NALF1: variants seen among roughly 807,000 people sequenced by gnomAD.
The protein encoded by NALF1 is family with sequence similarity 155 member A.
A neutral mutation model predicts 48.4 loss-of-function variants in NALF1; 3 were observed. The observed-to-expected ratio is 0.06, with a 90% CI of 0.03 to 0.16. The LOEUF is 0.16. Among genes scored for constraint, NALF1 ranks in the 10% least tolerant of loss-of-function variants. The probability of loss-of-function intolerance (pLI) is 1.00; values close to 1 mark genes in which losing one functional copy is unlikely to be tolerated. For missense variants in NALF1, 526 were observed against 571.5 expected, an observed-to-expected ratio of 0.92 and a Z score of 0.81; for synonymous variants, 262 against 245.7, an observed-to-expected ratio of 1.07 and a Z score of -0.62.
intron 1 of NALF1, among the ~76,000 whole-genome samples, chr13:107,842,268 C>A (rs1486397087): frequency 6.6e-6 from 1 of 151,638 alleles, no homozygotes; most frequent in East Asian, 1.9e-4. Context: ...ATGAAGTATG[C>A]CTATTTTATA....
At chr13:107,201,920 G>T (rs559614121) in intron 2 of NALF1, among the ~76,000 whole-genome samples, 1 of 152,098 alleles carries the variant, frequency 6.6e-6, no homozygotes, top group Non-Finnish European at 1.5e-5. Context: ...CGGTGGCGAG[G>T]TCGGCATTTT....
At chr13:107,575,673 A>G (rs972675733) in intron 1 of NALF1, among the ~76,000 whole-genome samples, 1 of 151,792 alleles carries the variant, frequency 6.6e-6, no homozygotes, top group African/African-American at 2.4e-5. Context: ...CCATTTTTCC[A>G]TTTTGTTAAA....
chr13:107,806,173 C>T (rs2138601773), intron 1 of NALF1, among the ~76,000 whole-genome samples: 1 of 152,178 alleles, frequency 6.6e-6, no homozygotes, highest in South Asian at 2.1e-4. Context: ...ACCTAGATTC[C>T]AATACCAAAG....
intron 1 of NALF1, among the ~76,000 whole-genome samples, chr13:107,312,965 A>G (rs1882076324): frequency 6.6e-6 from 1 of 152,222 alleles, no homozygotes; most frequent in Non-Finnish European, 1.5e-5. Context: ...AAACAAACCA[A>G]CAAGGGAAAT....
rs896014712 is a variant in NALF1, at chr13:107,168,904, C to T, written c.*1593G>A. The T allele has an allele frequency of 1.3e-5, 2 of 152,542 alleles. No individual in the cohort carries two copies. Among genetic ancestry groups the T allele is most frequent in the Non-Finnish European group, 2.9e-5 (2 of 68,008 alleles). The allele number at this position is 152,542 out of a possible 1,614,324, so 9.4% of individuals were successfully genotyped here. On this transcript the variant is annotated 3_prime_UTR_variant, in exon 3 of 3. Transcript: ENST00000375915. ...TTTCCTTCATCTCTCAGTCACACTG[C>T]AAACTTATCTGAAGTGCACTTCCCA... is the stretch of plus-strand genomic sequence containing the variant.
At chr13:107,754,158 A>T (rs1016185130) in intron 1 of NALF1, among the ~76,000 whole-genome samples, 9 of 152,184 alleles carry the variant, frequency 5.9e-5, no homozygotes, top group African/African-American at 2.2e-4. Context: ...TTTCATTCTG[A>T]TATGACTTTC....
In NALF1 at chr13:107,760,610, A is replaced by G. The variant is rs117168741; in HGVS notation, c.915+105072T>C. 3.9e-4 allele frequency among the ~76,000 whole-genome samples: 60 copies of G among 152,354 alleles called. No homozygotes were observed. In the East Asian group the frequency reaches 0.011, roughly 28 times the overall value. ...AGGCTCTTTGTAAAATGGGAATTGTAATATCCTATGATTTCTCTCAAGATC... is the reference window on the plus strand; with the variant it reads ...AGGCTCTTTGTAAAATGGGAATTGTGATATCCTATGATTTCTCTCAAGATC... On this transcript the variant is annotated intron_variant, in intron 1 of 2. Transcript: ENST00000375915.
chr13:107,177,018 C>T (rs1392548996), intron 2 of NALF1, among the ~76,000 whole-genome samples: 1 of 151,904 alleles, frequency 6.6e-6, no homozygotes, highest in Non-Finnish European at 1.5e-5. Flanking sequence ...TAAACAAATT[C>T]AGTAAAGTTA....
At chr13:107,599,409 G>A (rs890089984) in intron 1 of NALF1, among the ~76,000 whole-genome samples, 30 of 139,862 alleles carry the variant, frequency 2.1e-4, no homozygotes, top group Non-Finnish European at 1.1e-4. Context: ...GCAACAGAGC[G>A]AGACTCCGTC....
intron 1 of NALF1, among the ~76,000 whole-genome samples, chr13:107,633,878 G>A (rs1273796327): frequency 1.4e-5 from 2 of 143,158 alleles, no homozygotes; most frequent in East Asian, 2.0e-4. Flanking sequence ...GTATGTGTGT[G>A]TGTATATATA....
chr13:107,340,503 T>C (rs887358734), intron 1 of NALF1, among the ~76,000 whole-genome samples: 1 of 142,054 alleles, frequency 7.0e-6, no homozygotes, highest in Non-Finnish European at 1.5e-5. Flanking sequence ...CTTTCTTTCT[T>C]TCTTTTCTTT....
At chr13:107,393,436 T>C (rs914013334) in intron 1 of NALF1, among the ~76,000 whole-genome samples, 2 of 152,108 alleles carry the variant, frequency 1.3e-5, no homozygotes, top group Non-Finnish European at 2.9e-5. Flanking sequence ...GTGCAAGCAG[T>C]GGGGAAATAA....
At chr13:107,443,391 A>G (rs1382439016) in intron 1 of NALF1, among the ~76,000 whole-genome samples, 1 of 151,904 alleles carries the variant, frequency 6.6e-6, no homozygotes, top group East Asian at 1.9e-4. Context: ...AATTTTTTGT[A>G]TTTTTAGTAG....
intron 1 of NALF1, among the ~76,000 whole-genome samples, chr13:107,824,925 A>G (rs1398881266): frequency 6.6e-6 from 1 of 152,218 alleles, no homozygotes; most frequent in Non-Finnish European, 1.5e-5. Context: ...TAGAAGACAA[A>G]GTACTAAAAT....
At chr13:107,376,856 A>G (rs891174812) in intron 1 of NALF1, among the ~76,000 whole-genome samples, 2 of 152,214 alleles carry the variant, frequency 1.3e-5, no homozygotes, top group Non-Finnish European at 2.9e-5. Flanking sequence ...AAGACTGACT[A>G]CACTGCAAAT....
At chr13:107,262,567 T>C (rs1461154028) in intron 1 of NALF1, among the ~76,000 whole-genome samples, 3 of 152,206 alleles carry the variant, frequency 2.0e-5, no homozygotes, top group Non-Finnish European at 4.4e-5. Flanking sequence ...GTATGTGTTA[T>C]AGGCACAAAA....
At chr13:107,795,205 A>G (rs940239596) in intron 1 of NALF1, among the ~76,000 whole-genome samples, 1 of 152,202 alleles carries the variant, frequency 6.6e-6, no homozygotes, top group African/African-American at 2.4e-5. Context: ...AATAAAACAT[A>G]GCCAAGCTAA....
At chr13:107,690,513 C>T (rs1462262244) in intron 1 of NALF1, among the ~76,000 whole-genome samples, 4 of 152,180 alleles carry the variant, frequency 2.6e-5, no homozygotes, top group African/African-American at 4.8e-5. Context: ...GGCAGATTTA[C>T]AGCTACTTTG....
chr13:107,513,642 A>C (rs1875966387), intron 1 of NALF1, among the ~76,000 whole-genome samples: 1 of 152,206 alleles, frequency 6.6e-6, no homozygotes, highest in African/African-American at 2.4e-5. Flanking sequence ...GGGTTCCATG[A>C]ATAGAAGAGA....
Sources: gnomAD v4.1 joint callset for allele counts (sites outside exome capture counted in the v4.1 genomes callset) on GRCh38, gnomAD v4.1.1 for gene constraint, MANE v1.5 for transcripts, NCBI Gene and HGNC (gene_info 2026-07-23, HGNC 2026-07-21) for gene names.